The following DHX30 variants were observed in gnomAD, a reference collection of about 807,000 sequenced individuals.
DHX30 encodes the protein DExH-box helicase 30, also known as ATP-dependent RNA helicase DHX30.
DHX30 carries 4 observed loss-of-function variants against 116.9 expected under a neutral mutation model. The ratio of observed to expected loss-of-function variants is 0.03; its 90% CI spans 0.02 to 0.08. The LOEUF is 0.08. Among genes scored for constraint, DHX30 ranks in the 10% least tolerant of loss-of-function variants. DHX30 has a pLI of 1.00. For synonymous variants in DHX30, 697 were observed against 651.7 expected, an observed-to-expected ratio of 1.07 and a Z score of -1.06; for missense variants, 871 against 1,595.1, an observed-to-expected ratio of 0.55 and a Z score of 7.73.
intron 1 of DHX30, among the ~76,000 whole-genome samples, chr3:47,803,502 A>C (rs1576450462): frequency 6.6e-6 from 1 of 151,872 alleles, no homozygotes; most frequent in East Asian, 2.0e-4. Context: ...GGCTCCGCGG[A>C]GGCCGTGGGA....
chr3:47,825,273 G>A (rs997862955), intron 4 of DHX30: 25 of 566,128 alleles, frequency 4.4e-5, no homozygotes, highest in Non-Finnish European at 7.5e-5. Flanking sequence ...GGGGCGGGCG[G>A]TCCGCAGCGC....
Position 47,847,388 on chromosome 3 carries a change from C to T in DHX30, c.2005+40C>T, listed in dbSNP as rs143265961. On this transcript the variant is annotated intron_variant, in intron 12 of 21. Coordinates refer to ENST00000445061, the MANE Select transcript of DHX30 (RefSeq NM_138615.3). The surrounding 1 kb of genome is among the most constrained non-coding windows in gnomAD (Gnocchi z 5.5). ...ATCTGTCCCATGCTAGCCCTGGCCA[C>T]GTTTGCAGCAACAGCTGGCTCATGC... is the stretch of plus-strand genomic sequence containing the variant. The T allele has an allele frequency of 1.9e-4, 314 of 1,614,174 alleles. No homozygotes were observed. Among genetic ancestry groups the T allele is most frequent in the East Asian group, 7.8e-4 (35 of 44,880 alleles).
At chr3:47,813,955 G>T (rs1410873458) in intron 3 of DHX30, among the ~76,000 whole-genome samples, 1 of 119,672 alleles carries the variant, frequency 8.4e-6, no homozygotes, top group Non-Finnish European at 1.6e-5. Flanking sequence ...CTTGAGATTA[G>T]TGTGGGCAGC....
intron 6 of DHX30, among the ~76,000 whole-genome samples, 178 bp downstream of exon 6, chr3:47,829,312 A>ATT (rs1351089403): frequency 2.5e-3 from 69 of 27,956 alleles, no homozygotes; most frequent in South Asian, 6.6e-3. Flanking sequence ...ATATATATAT[A>ATT]TATTTTTTTT....
intron 4 of DHX30, among the ~76,000 whole-genome samples, chr3:47,824,435 C>G (rs571725500): frequency 1.3e-5 from 2 of 152,294 alleles, no homozygotes; most frequent in East Asian, 3.9e-4. Context: ...CTTCCTTGGC[C>G]TGGCTCCAGA....
chr3:47,849,484 T>G lies in DHX30; in HGVS notation c.3121T>G (p.Phe1041Val). 6.3e-7 allele frequency: 1 copy of G among 1,582,026 alleles called. No homozygotes were observed. Among genetic ancestry groups the G allele is most frequent in the Non-Finnish European group, 8.6e-7 (1 of 1,159,854 alleles). ...GGGCAAGGTCACCCGGCAGGGGAAGTTCAAGCCCAACAGCGTCACATATAG... is the reference window on the plus strand; with the variant it reads ...GGGCAAGGTCACCCGGCAGGGGAAGGTCAAGCCCAACAGCGTCACATATAG... The part of the protein sequence containing the change: ...RQGKVTRQGK[F>V]KPNSVTYRTK... Residue 1041 changes from phenylalanine to valine, a missense_variant, in exon 20 of 22, where the codon TTC becomes GTC. Physicochemically the swap from Phe to Val is conservative, Grantham distance 50. Coordinates refer to ENST00000445061, the MANE Select transcript of DHX30 (RefSeq NM_138615.3).
intron 3 of DHX30, among the ~76,000 whole-genome samples, chr3:47,817,196 A>C (rs1264834160): frequency 6.6e-6 from 1 of 152,152 alleles, no homozygotes; most frequent in African/African-American, 2.4e-5. Context: ...AAGAGAGCAA[A>C]GAGTGCATGC....
intron 3 of DHX30, among the ~76,000 whole-genome samples, chr3:47,811,133 T>TA (rs1467795379): frequency 6.6e-6 from 1 of 151,632 alleles, no homozygotes; most frequent in Non-Finnish European, 1.5e-5. Flanking sequence ...TTTTTTTTTT[T>TA]AGTTGAGACG....
chr3:47,809,973 C>CT (rs1559685753), intron 2 of DHX30, among the ~76,000 whole-genome samples: 1 of 152,112 alleles, frequency 6.6e-6, no homozygotes. Flanking sequence ...CTTGTCATCT[C>CT]TAAGTATAGT....
chr3:47,822,141 T>C (rs1410667288), intron 4 of DHX30: 1 of 152,240 alleles, frequency 6.6e-6, no homozygotes, highest in African/African-American at 2.4e-5. Context: ...TTCCAACTCC[T>C]GCTCTAGACC....
intron 4 of DHX30, chr3:47,825,934 G>A (rs571772010): frequency 6.6e-6 from 1 of 152,320 alleles, no homozygotes; most frequent in East Asian, 1.9e-4. Context: ...CGCTTAGAGG[G>A]AGACAGGATC....
chr3:47,823,769 TAAC>T (rs2036407030), intron 4 of DHX30, among the ~76,000 whole-genome samples: 2 of 152,156 alleles, frequency 1.3e-5, no homozygotes, highest in South Asian at 4.1e-4. Flanking sequence ...CTTCAACAAT[TAAC>T]AACTCATGGC....
intron 3 of DHX30, chr3:47,816,860 T>C: frequency 3.0e-6 from 3 of 985,072 alleles, no homozygotes; most frequent in Non-Finnish European, 3.6e-6. Context: ...AATTGTATAG[T>C]GAACACCTTT....
chr3:47,816,926 A>T (rs888466458), intron 3 of DHX30: 1 of 985,150 alleles, frequency 1.0e-6, no homozygotes, highest in African/African-American at 1.7e-5. Flanking sequence ...ATAAAAAAAA[A>T]AATAGCTGAA....
rs926244078 is a variant in DHX30, at chr3:47,848,164, T to C, written c.2287-16T>C. On this transcript the variant is annotated splice_polypyrimidine_tract_variant and intron_variant, in intron 14 of 21. Transcript: ENST00000445061. This position sits in a 1 kb window ranked among gnomAD's most constrained non-coding sequence, Gnocchi z 9.4. Reference sequence around the variant, plus strand: ...GAAGTGGCATTTGTGTGCTGCTTACTTGCCACCTCCTCCAGGTGTCCTGCC... The same window carrying C: ...GAAGTGGCATTTGTGTGCTGCTTACCTGCCACCTCCTCCAGGTGTCCTGCC... 6 of 1,613,272 alleles carry C rather than the reference T, an allele frequency of 3.7e-6. No individual in the cohort carries two copies. Among genetic ancestry groups the C allele is most frequent in the South Asian group, 1.1e-5 (1 of 91,054 alleles).
At chr3:47,814,234 G>A (rs1185371644) in intron 3 of DHX30, among the ~76,000 whole-genome samples, 1 of 150,472 alleles carries the variant, frequency 6.6e-6, no homozygotes. Flanking sequence ...AGACCAGCCT[G>A]GCCAACATGG....
Position 47,849,663 on chromosome 3 carries a change from G to C in DHX30, c.3225G>C (p.Thr1075=), listed in dbSNP as rs199921329. The C allele has an allele frequency of 6.2e-7, 1 of 1,614,086 alleles. No homozygotes were observed. The highest frequency in any genetic ancestry group is 8.5e-7 in the Non-Finnish European group (1 of 1,180,040). Residue 1075 remains threonine (T), a synonymous_variant, in exon 21 of 22, where the codon ACG becomes ACC. Transcript: ENST00000445061. The stretch of plus-strand genomic sequence containing the variant: ...CACGGTTACGGAGCCGATGGCTGAC[G>C]TATTTCATGGCAGTCAAGTCCAATG... The part of the protein sequence containing the change: ...EATRLRSRWL[T]YFMAVKSNGS...
intron 9 of DHX30, among the ~76,000 whole-genome samples, chr3:47,845,085 G>A (rs1192546142): frequency 6.6e-6 from 1 of 152,072 alleles, no homozygotes. Flanking sequence ...TTGTGGTGTT[G>A]GGGGGGCTGT....
chr3:47,848,820 C>G lies in DHX30; in HGVS notation c.2769+3C>G. ...AGAACCGGGCAGAGGTGGACAAGGT[C>G]AGTCCTGGCTCCTTCCTGGAGCCGT... is the stretch of plus-strand genomic sequence containing the variant. On this transcript the variant is annotated splice_donor_region_variant and intron_variant, in intron 17 of 21. Transcript: ENST00000445061. The surrounding 1 kb of genome is among the most constrained non-coding windows in gnomAD (Gnocchi z 9.4). The G allele has an allele frequency of 6.2e-7, 1 of 1,609,334 alleles. No homozygotes were observed.
Sources: allele counts gnomAD v4.1 joint callset (sites outside exome capture counted in the v4.1 genomes callset), GRCh38; gene constraint gnomAD v4.1.1; non-coding constraint Gnocchi (gnomAD v3.1); transcripts MANE v1.5; gene names NCBI Gene and HGNC (gene_info 2026-07-23, HGNC 2026-07-21).